The following CCDC141 variants were observed in gnomAD, a reference collection of about 807,000 sequenced individuals.
CCDC141 encodes the protein coiled-coil domain containing 141.
In CCDC141, 168 loss-of-function variants were observed where a neutral mutation model predicts 181.0. That is an observed-to-expected ratio of 0.93 (90% CI 0.82 to 1.05). The LOEUF is 1.05. Among genes scored for constraint, CCDC141 ranks in the 50% least tolerant of loss-of-function variants. The pLI is 0.00. For missense variants in CCDC141, 1,902 were observed against 1,788.5 expected (o/e 1.06, Z -1.14); for synonymous variants, 666 against 642.3 (o/e 1.04, Z -0.56).
intron 2 of CCDC141, among the ~76,000 whole-genome samples, chr2:179,040,844 T>C (rs1274731458): frequency 6.6e-6 from 1 of 152,204 alleles, no homozygotes; most frequent in Non-Finnish European, 1.5e-5. Flanking sequence ...GCAATGAACA[T>C]ACTCATGCAT....
intron 11 of CCDC141, among the ~76,000 whole-genome samples, chr2:178,883,912 G>A (rs1005653950): frequency 6.6e-5 from 10 of 151,988 alleles, no homozygotes; most frequent in Admixed American, 6.6e-4. Context: ...AAGCTCTGAG[G>A]GGTAACATAT....
At chr2:179,040,194 C>A (rs556478927) in intron 2 of CCDC141, among the ~76,000 whole-genome samples, 1 of 152,252 alleles carries the variant, frequency 6.6e-6, no homozygotes, top group African/African-American at 2.4e-5. Flanking sequence ...AGATCCACAA[C>A]AAATATGAAG....
At position 178,832,635 on chromosome 2, in the gene CCDC141, T is replaced by C. The variant is rs1404410185; in HGVS notation, c.*1538A>G. 3 of 152,096 alleles carry C rather than the reference T, an allele frequency of 2.0e-5. No individual in the cohort carries two copies. Among genetic ancestry groups the C allele is most frequent in the African/African-American group, 7.2e-5 (3 of 41,430 alleles). 9.4% of individuals were successfully genotyped at this position (152,096 alleles called of 1,614,324 possible). A position where few individuals can be genotyped will look rare whatever the true frequency, so the allele number is the denominator to read the frequency against. ...CAGCCCAAGAAAGTATACGCCAACTTTTTACTTGACTACACATTTCACATC... is the reference window on the plus strand; with the variant it reads ...CAGCCCAAGAAAGTATACGCCAACTCTTTACTTGACTACACATTTCACATC... On this transcript the variant is annotated 3_prime_UTR_variant, in exon 24 of 24. Transcript: ENST00000443758.
At chr2:178,866,569 C>T (rs542460751) in intron 16 of CCDC141, among the ~76,000 whole-genome samples, 2 of 152,236 alleles carry the variant, frequency 1.3e-5, no homozygotes, top group African/African-American at 4.8e-5. Context: ...TAGTGGATAT[C>T]TTACATGTAT....
At chr2:178,931,667 G>A (rs1689106693) in intron 6 of CCDC141, among the ~76,000 whole-genome samples, 1 of 152,050 alleles carries the variant, frequency 6.6e-6, no homozygotes, top group African/African-American at 2.4e-5. Context: ...AGGGGAGAGA[G>A]GAATGAAGAT....
At chr2:179,026,657 A>G (rs2042854238) in intron 2 of CCDC141, among the ~76,000 whole-genome samples, 1 of 152,222 alleles carries the variant, frequency 6.6e-6, no homozygotes, top group Admixed American at 6.5e-5. Context: ...AGTCTCCTCC[A>G]GGACCCAGAA....
At chr2:178,980,558 G>A (rs1210691439) in intron 2 of CCDC141, among the ~76,000 whole-genome samples, 2 of 152,148 alleles carry the variant, frequency 1.3e-5, no homozygotes, top group Admixed American at 6.5e-5. Context: ...AGAAAAAGGT[G>A]ACTTAAAAAT....
At chr2:179,014,541 C>T (rs549270228) in intron 2 of CCDC141, among the ~76,000 whole-genome samples, 38 of 152,074 alleles carry the variant, frequency 2.5e-4, no homozygotes, top group African/African-American at 7.5e-4. Context: ...GGACTAATAT[C>T]CAGAATCTAC....
intron 6 of CCDC141, among the ~76,000 whole-genome samples, chr2:178,929,050 A>T (rs570766343): frequency 6.6e-6 from 1 of 152,320 alleles, no homozygotes; most frequent in East Asian, 1.9e-4. Context: ...ACTAAAATGA[A>T]GACAGGGGAA....
chr2:178,958,782 C>T (rs1690266892), intron 5 of CCDC141, among the ~76,000 whole-genome samples: 1 of 151,238 alleles, frequency 6.6e-6, no homozygotes, highest in Non-Finnish European at 1.5e-5. Context: ...GGCAGAAAGG[C>T]AAAATTACTG....
At chr2:179,031,329 C>A (rs918430878) in intron 2 of CCDC141, among the ~76,000 whole-genome samples, 1 of 151,266 alleles carries the variant, frequency 6.6e-6, no homozygotes, top group Non-Finnish European at 1.5e-5. Context: ...CTTTTAATAT[C>A]TGTGGGGTTT....
intron 5 of CCDC141, among the ~76,000 whole-genome samples, chr2:178,956,791 C>T (rs1260535170): frequency 1.9e-4 from 29 of 152,174 alleles, no homozygotes; most frequent in Non-Finnish European, 1.0e-4. Context: ...CTTGTAACAG[C>T]CTCCAATAAC....
chr2:178,815,505 A>G, the CCDC141 span, among the ~76,000 whole-genome samples: 3 of 152,184 alleles, frequency 2.0e-5, no homozygotes, highest in African/African-American at 7.2e-5. Context: ...CTGTAATGTG[A>G]ATCTTTGTCT....
chr2:178,887,086 T>C (rs1031097501), intron 9 of CCDC141, among the ~76,000 whole-genome samples: 2 of 152,200 alleles, frequency 1.3e-5, no homozygotes, highest in African/African-American at 4.8e-5. Flanking sequence ...TACCAACAAA[T>C]GTTTTATGTT....
At chr2:178,919,108 G>A (rs1688579074) in intron 6 of CCDC141, among the ~76,000 whole-genome samples, 1 of 152,110 alleles carries the variant, frequency 6.6e-6, no homozygotes, top group Non-Finnish European at 1.5e-5. Flanking sequence ...GATACAGTAA[G>A]TTGGCAGTCT....
chr2:178,890,205 A>G (rs940349499), intron 8 of CCDC141, among the ~76,000 whole-genome samples: 32 of 152,208 alleles, frequency 2.1e-4, no homozygotes, highest in African/African-American at 7.7e-4. Flanking sequence ...AGAAAATGCC[A>G]TTATTGAATA....
intron 6 of CCDC141, among the ~76,000 whole-genome samples, chr2:178,934,720 T>A (rs1202925066): frequency 1.3e-5 from 2 of 152,196 alleles, no homozygotes; most frequent in Non-Finnish European, 2.9e-5. Flanking sequence ...TAGAAAGAAC[T>A]TACTGAGTAG....
Position 178,837,507 on chromosome 2 carries a change from C to T in CCDC141, c.3712G>A (p.Val1238Ile). Reference sequence around the variant, plus strand: ...ATGTGAAGGCTGAGGGAGGAGCTGACAGGCTCTTCCACCTCCATGTCAGAT... The same window carrying T: ...ATGTGAAGGCTGAGGGAGGAGCTGATAGGCTCTTCCACCTCCATGTCAGAT... ...APSDMEVEEP[V>I]SSSLSLHISS... is the part of the protein sequence containing the mutation. The change falls in exon 23 of 24, where the codon GTC becomes ATC. Residue 1238 changes from valine (V) to isoleucine (I), a missense_variant. By Grantham distance (29) the Val-to-Ile change is conservative (BLOSUM62 3). Transcript: ENST00000443758. The T allele has an allele frequency of 8.7e-6, 14 of 1,614,046 alleles. No individual in the cohort carries two copies. The highest frequency in any genetic ancestry group is 1.1e-5 in the Non-Finnish European group (13 of 1,179,970).
At chr2:179,001,502 TAAG>T (rs1364256500) in intron 2 of CCDC141, among the ~76,000 whole-genome samples, 8 of 151,966 alleles carry the variant, frequency 5.3e-5, no homozygotes. Flanking sequence ...TTGTGGAAGG[TAAG>T]AAGAGAATAG....
Sources: gnomAD v4.1 joint callset for allele counts (sites outside exome capture counted in the v4.1 genomes callset) on GRCh38, gnomAD v4.1.1 for gene constraint, MANE v1.5 for transcripts, NCBI Gene and HGNC (gene_info 2026-07-23, HGNC 2026-07-21) for gene names.